The following RANBP3 variants were observed in gnomAD, a reference collection of about 807,000 sequenced individuals.
The protein encoded by RANBP3 is RAN binding protein 3.
In RANBP3, 14 loss-of-function variants were observed where a neutral mutation model predicts 77.3. The ratio of observed to expected loss-of-function variants is 0.18; its 90% confidence interval spans 0.12 to 0.28. The LOEUF (loss-of-function observed/expected upper bound fraction) is 0.28. Among genes scored for constraint, RANBP3 ranks in the 10% least tolerant of loss-of-function variants. RANBP3 has a pLI of 1.00. For synonymous variants in RANBP3, 315 were observed against 312.4 expected, an observed-to-expected ratio of 1.01 and a Z score of -0.09; for missense variants, 586 against 752.3, an observed-to-expected ratio of 0.78 and a Z score of 2.59.
intron 8 of RANBP3, among the ~76,000 whole-genome samples, chr19:5,931,098 G>A (rs1028833049): frequency 4.6e-5 from 7 of 152,174 alleles, no homozygotes; most frequent in East Asian, 1.9e-4. Context: ...GACATGTGGC[G>A]GTCAGCCTTG....
In RANBP3 at chr19:5,921,964, G is replaced by A. The variant is rs767202425; in HGVS notation, c.1210-643C>T. ...GACACGAAAGGCCACATAGTGCGTT[G>A]ATGCCATTTATATGAAATGTCAAGG... On this transcript the variant is annotated intron_variant, in intron 13 of 16. Transcript: ENST00000340578. The surrounding 1 kb of genome is among the most constrained non-coding windows in gnomAD (Gnocchi z 5.3). 5.3e-5 allele frequency among the ~76,000 whole-genome samples: 8 copies of A among 152,220 alleles called. No individual in the cohort carries two copies. Among genetic ancestry groups the A allele is most frequent in the Non-Finnish European group, 1.2e-4 (8 of 68,036 alleles).
At chr19:5,951,125 G>T (rs1341704504) in intron 3 of RANBP3, among the ~76,000 whole-genome samples, 1 of 152,170 alleles carries the variant, frequency 6.6e-6, no homozygotes, top group Non-Finnish European at 1.5e-5. Flanking sequence ...CTGACCCCTC[G>T]TGTCTTTTTT....
chr19:5,933,698 T>C lies in RANBP3; in HGVS notation c.407-219A>G, dbSNP rs78736229. The stretch of plus-strand genomic sequence containing the variant: ...ACAAGGGCAGGAGGAACGATGGCTC[T>C]TGGGCCAGCTGCTGACCATGGGGGC... On this transcript the variant is annotated intron_variant, in intron 5 of 16. Coordinates refer to ENST00000340578, the MANE Select transcript of RANBP3 (RefSeq NM_007322.3). The C allele has an allele frequency of 6.4e-3, 3,102 of 485,336 alleles. 92 individuals are homozygous for C. Among genetic ancestry groups the C allele is most frequent in the African/African-American group, 0.057 (2,843 of 50,018 alleles). The allele number at this position is 485,336 out of a possible 1,614,324, so 30.1% of individuals were successfully genotyped here. A position where few individuals can be genotyped will look rare whatever the true frequency, so the allele number is the denominator to read the frequency against.
At chr19:5,923,332 CT>C in intron 12 of RANBP3, 29 bp from the exon 13 acceptor site, 1 of 1,603,302 alleles carries the variant, frequency 6.2e-7, no homozygotes, top group Non-Finnish European at 8.5e-7. Context: ...AAAAGACTGA[CT>C]GATTATTTGG....
At chr19:5,923,015 C>T (rs750842247) in intron 13 of RANBP3, among the ~76,000 whole-genome samples, 179 bp downstream of exon 13, 60 of 152,174 alleles carry the variant, frequency 3.9e-4, no homozygotes, top group Non-Finnish European at 7.8e-4. Flanking sequence ...GCAAGAAGCC[C>T]CTGAGCCTAA....
At chr19:5,946,207 A>G (rs148773776) in intron 3 of RANBP3, among the ~76,000 whole-genome samples, 2 of 152,246 alleles carry the variant, frequency 1.3e-5, no homozygotes, top group East Asian at 1.9e-4. Context: ...GTTCTATCAC[A>G]TAGGGAAATG....
chr19:5,973,377 G>A (rs1036375015), intron 1 of RANBP3, among the ~76,000 whole-genome samples: 9 of 152,120 alleles, frequency 5.9e-5, no homozygotes, highest in Admixed American at 2.0e-4. Flanking sequence ...CTCTGCCCCC[G>A]GGGGGACACT....
rs1485848803 is a variant in RANBP3 at position 5,931,386 on chromosome 19, G to A, written c.693+18C>T. The A allele has an allele frequency of 6.3e-7, 1 of 1,594,120 alleles. No individual in the cohort carries two copies. The highest frequency in any genetic ancestry group is 2.3e-5 in the East Asian group (1 of 44,384). ...GGGGCCTAGCATGCAGCGCTTCCCT[G>A]CCTCAGGACCCACTGACCTCAAGTG... On this transcript the variant is annotated intron_variant, in intron 8 of 16. Transcript: ENST00000340578.
intron 3 of RANBP3, among the ~76,000 whole-genome samples, chr19:5,946,426 C>T (rs1256604708): frequency 6.6e-6 from 1 of 152,138 alleles, no homozygotes; most frequent in African/African-American, 2.4e-5. Flanking sequence ...AATCCGTGCC[C>T]CAAATATCTT....
chr19:5,917,232 A>C lies in RANBP3; in HGVS notation c.*378T>G. The C allele has an allele frequency of 6.7e-5, 22 of 326,158 alleles. No homozygotes were observed. Among genetic ancestry groups the C allele is most frequent in the East Asian group, 1.0e-4 (1 of 9,820 alleles). 20.2% of individuals were successfully genotyped at this position (326,158 alleles called of 1,614,324 possible). A position where few individuals can be genotyped will look rare whatever the true frequency, so the allele number is the denominator to read the frequency against. On this transcript the variant is annotated 3_prime_UTR_variant, in exon 17 of 17. Transcript: ENST00000340578. ...GGCAGGGCCCCACAGCAGGGTGGGAAGGGTGTGGGTGGCGGAGAAGCCAGG... is the reference window on the plus strand; with the variant it reads ...GGCAGGGCCCCACAGCAGGGTGGGACGGGTGTGGGTGGCGGAGAAGCCAGG...
chr19:5,961,641 G>A (rs1204239384), intron 1 of RANBP3, among the ~76,000 whole-genome samples: 1 of 152,124 alleles, frequency 6.6e-6, no homozygotes, highest in Non-Finnish European at 1.5e-5. Flanking sequence ...GCTGAGGCAG[G>A]AGAATCACTT....
chr19:5,969,482 T>G (rs2058505781), intron 1 of RANBP3, among the ~76,000 whole-genome samples: 1 of 152,244 alleles, frequency 6.6e-6, no homozygotes. Flanking sequence ...AAGGCCTGCC[T>G]TCTAAACATG....
At chr19:5,923,149 G>T in intron 13 of RANBP3, 45 bp downstream of exon 13, 1 of 1,524,942 alleles carries the variant, frequency 6.6e-7, no homozygotes, top group Non-Finnish European at 9.1e-7. Flanking sequence ...GGACCCCCAG[G>T]TGCATGGAAG....
At chr19:5,977,089 A>G (rs1254462303) in intron 1 of RANBP3, among the ~76,000 whole-genome samples, 2 of 152,186 alleles carry the variant, frequency 1.3e-5, no homozygotes, top group Admixed American at 6.5e-5. Flanking sequence ...ACTTCCTATC[A>G]TCATTCATTC....
At chr19:5,943,142 C>T (rs562376380) in intron 3 of RANBP3, among the ~76,000 whole-genome samples, 1 of 152,340 alleles carries the variant, frequency 6.6e-6, no homozygotes, top group African/African-American at 2.4e-5. Context: ...GTGAGGGCCG[C>T]TCCTCCTGGC....
chr19:5,941,349 C>G (rs879467584), intron 5 of RANBP3, among the ~76,000 whole-genome samples: 2,467 of 152,278 alleles, frequency 0.016, 75 homozygotes, highest in African/African-American at 0.057. Context: ...GTAGTCAACC[C>G]CTTTCCTCCA....
intron 5 of RANBP3, among the ~76,000 whole-genome samples, chr19:5,941,268 A>G (rs1364880634): frequency 6.6e-6 from 1 of 152,104 alleles, no homozygotes; most frequent in Non-Finnish European, 1.5e-5. Context: ...CCACCCCTAA[A>G]CCCCCAGTCT....
intron 2 of RANBP3, among the ~76,000 whole-genome samples, chr19:5,955,114 G>A (rs751576847): frequency 1.3e-5 from 2 of 152,156 alleles, no homozygotes; most frequent in Non-Finnish European, 1.5e-5. Context: ...ACTATACTTG[G>A]CATTTTATTT....
intron 1 of RANBP3, among the ~76,000 whole-genome samples, chr19:5,971,973 C>T (rs2058535797): frequency 6.6e-6 from 1 of 152,242 alleles, no homozygotes; most frequent in Non-Finnish European, 1.5e-5. Flanking sequence ...AGAATGCAGG[C>T]CAAGGGTGGT....
Sources: gnomAD v4.1 joint callset for allele counts (sites outside exome capture counted in the v4.1 genomes callset) on GRCh38, gnomAD v4.1.1 for gene constraint, Gnocchi (gnomAD v3.1) non-coding constraint, MANE v1.5 for transcripts, NCBI Gene and HGNC (gene_info 2026-07-23, HGNC 2026-07-21) for gene names.